The following CHRM2 variants were observed in gnomAD, a reference collection of about 807,000 sequenced individuals.
CHRM2 encodes the protein cholinergic receptor muscarinic 2, also known as muscarinic acetylcholine receptor M2.
In CHRM2, 8 loss-of-function variants were observed where a neutral mutation model predicts 25.0. The observed-to-expected ratio is 0.32, with a 90% CI of 0.19 to 0.58. CHRM2 has a LOEUF of 0.58. CHRM2 is among the 20% of genes least tolerant of loss of function. The pLI is 0.88. For synonymous variants in CHRM2, 202 were observed against 205.7 expected (o/e 0.98, Z 0.15); for missense variants, 440 against 567.1 (o/e 0.78, Z 2.28).
At chr7:136,881,197 G>A (rs145823240) in intron 2 of CHRM2, among the ~76,000 whole-genome samples, 9 of 149,938 alleles carry the variant, frequency 6.0e-5, no homozygotes, top group Admixed American at 5.4e-4. Flanking sequence ...TTGCCTTTAC[G>A]GACTGTCATG....
intron 2 of CHRM2, among the ~76,000 whole-genome samples, chr7:136,888,626 C>T (rs1413502294): frequency 6.6e-6 from 1 of 152,054 alleles, no homozygotes; most frequent in Non-Finnish European, 1.5e-5. Flanking sequence ...AGCCCTGTGC[C>T]TCATGATTCC....
At chr7:136,953,272 G>T (rs1197481738) in intron 2 of CHRM2, among the ~76,000 whole-genome samples, 1 of 151,992 alleles carries the variant, frequency 6.6e-6, no homozygotes, top group Admixed American at 6.6e-5. Flanking sequence ...GCATCTAAGT[G>T]CCCCACTACC....
chr7:136,951,500 T>C (rs1788211785), intron 2 of CHRM2, among the ~76,000 whole-genome samples: 1 of 152,170 alleles, frequency 6.6e-6, no homozygotes, highest in Non-Finnish European at 1.5e-5. Context: ...GTCCCTTTTG[T>C]TTCACAGTAT....
Position 137,015,663 on chromosome 7 carries a change from C to A in CHRM2, c.798C>A (p.Pro266=), listed in dbSNP as rs1262103632. The change falls in exon 4 of 4, where the codon CCC becomes CCA. Residue 266 remains proline (P), a synonymous_variant. Transcript: ENST00000680005. The surrounding 1 kb of genome is among the most constrained non-coding windows in gnomAD (Gnocchi z 5.1). ...ACAAAATCCAGAATGGCAAAGCCCC[C>A]AGGGATCCTGTGACTGAAAACTGTG... The part of the protein sequence containing the change: ...EHNKIQNGKA[P]RDPVTENCVQ... 5.0e-6 allele frequency: 8 copies of A among 1,613,006 alleles called. No individual in the cohort carries two copies. The highest frequency in any genetic ancestry group is 6.8e-6 in the Non-Finnish European group (8 of 1,179,522).
intron 2 of CHRM2, among the ~76,000 whole-genome samples, chr7:136,987,526 T>A (rs927541932): frequency 1.3e-5 from 2 of 152,232 alleles, no homozygotes; most frequent in African/African-American, 4.8e-5. Context: ...CATCACGTAT[T>A]GTACACCCAG....
intron 2 of CHRM2, among the ~76,000 whole-genome samples, chr7:136,970,217 T>C (rs1801671974): frequency 6.6e-6 from 1 of 152,200 alleles, no homozygotes; most frequent in Non-Finnish European, 1.5e-5. Context: ...ATGGTCTAGT[T>C]CCACCTGTAT....
At chr7:136,913,482 C>A (rs1797950639) in intron 2 of CHRM2, among the ~76,000 whole-genome samples, 1 of 151,914 alleles carries the variant, frequency 6.6e-6, no homozygotes, top group Non-Finnish European at 1.5e-5. Context: ...CAGCTTACAT[C>A]CACAGCAAAT....
chr7:136,884,654 C>CA (rs1563044161), intron 2 of CHRM2, among the ~76,000 whole-genome samples: 1 of 152,124 alleles, frequency 6.6e-6, no homozygotes, highest in Non-Finnish European at 1.5e-5. Flanking sequence ...AGACCACTGT[C>CA]ACTTACACTG....
chr7:136,952,928 A>G (rs955311641), intron 2 of CHRM2, among the ~76,000 whole-genome samples: 1 of 152,160 alleles, frequency 6.6e-6, no homozygotes, highest in African/African-American at 2.4e-5. Context: ...TTATGGCTGC[A>G]TAGTATTCCA....
chr7:136,943,343 C>T (rs1186739029), intron 2 of CHRM2, among the ~76,000 whole-genome samples: 2 of 152,078 alleles, frequency 1.3e-5, no homozygotes, highest in African/African-American at 2.4e-5. Flanking sequence ...TCCTGCTTTG[C>T]CTTTAAGCTC....
At chr7:136,929,459 G>T (rs1798934941) in intron 2 of CHRM2, among the ~76,000 whole-genome samples, 1 of 151,958 alleles carries the variant, frequency 6.6e-6, no homozygotes, top group African/African-American at 2.4e-5. Context: ...CCTCTACTAG[G>T]TTCCAGGGAT....
At chr7:136,930,593 GA>G (rs11284479) in intron 2 of CHRM2, among the ~76,000 whole-genome samples, 104,146 of 150,624 alleles carry the variant, frequency 0.69, 37,346 homozygotes, top group East Asian at 0.89. Context: ...TATACGATAG[GA>G]AAAAAAAAAA....
intron 3 of CHRM2, among the ~76,000 whole-genome samples, chr7:136,997,397 G>T (rs1803676632): frequency 6.6e-6 from 1 of 152,138 alleles, no homozygotes; most frequent in Admixed American, 6.6e-5. Context: ...TAAAGTGGAT[G>T]GCCCTTGTGA....
chr7:136,916,425 T>C (rs1466247004), intron 2 of CHRM2, among the ~76,000 whole-genome samples: 1 of 151,772 alleles, frequency 6.6e-6, no homozygotes, highest in Non-Finnish European at 1.5e-5. Flanking sequence ...AAGAATATCA[T>C]TTTATCTATA....
chr7:136,920,492 A>G (rs1160414873), intron 2 of CHRM2, among the ~76,000 whole-genome samples: 1 of 152,070 alleles, frequency 6.6e-6, no homozygotes, highest in African/African-American at 2.4e-5. Flanking sequence ...CACATTTTTG[A>G]GGCTCTAGAT....
chr7:136,882,044 C>G (rs1000647949), intron 2 of CHRM2, among the ~76,000 whole-genome samples: 4 of 151,964 alleles, frequency 2.6e-5, no homozygotes, highest in Admixed American at 6.6e-5. Flanking sequence ...ATTCTTGTTC[C>G]TATTTGAGAA....
At chr7:136,933,070 T>C (rs1799207213) in intron 2 of CHRM2, among the ~76,000 whole-genome samples, 1 of 150,360 alleles carries the variant, frequency 6.7e-6, no homozygotes, top group African/African-American at 2.5e-5. Context: ...AAATAATTTT[T>C]TTAAATAGAT....
chr7:136,994,902 A>ACT (rs540075850), intron 3 of CHRM2, among the ~76,000 whole-genome samples: 181 of 151,000 alleles, frequency 1.2e-3, no homozygotes, highest in African/African-American at 3.7e-3. Context: ...GTTTTGGAAA[A>ACT]CTCTGTTCTT....
rs536546454 is a variant in CHRM2 at position 137,020,027 on chromosome 7, T to A, written c.*3761T>A. On this transcript the variant is annotated 3_prime_UTR_variant, in exon 4 of 4. Transcript: ENST00000680005. Reference sequence around the variant, plus strand: ...GTTTAGGAAAGCACCCAAAGCTGGATGAAATTGTGCAAAGTGTATTCTCAG... The same window carrying A: ...GTTTAGGAAAGCACCCAAAGCTGGAAGAAATTGTGCAAAGTGTATTCTCAG... 1 of 151,830 alleles carries A rather than the reference T, an allele frequency of 6.6e-6. No homozygotes were observed. Among genetic ancestry groups the A allele is most frequent in the Non-Finnish European group, 1.5e-5 (1 of 67,880 alleles). 9.4% of individuals were successfully genotyped at this position (151,830 alleles called of 1,614,324 possible).
Sources: allele counts gnomAD v4.1 joint callset (sites outside exome capture counted in the v4.1 genomes callset), GRCh38; gene constraint gnomAD v4.1.1; non-coding constraint Gnocchi (gnomAD v3.1); transcripts MANE v1.5; gene names NCBI Gene and HGNC (gene_info 2026-07-23, HGNC 2026-07-21).